The following PTPRO variants were observed in gnomAD, a reference collection of about 807,000 sequenced individuals.
The protein encoded by PTPRO is receptor-type tyrosine-protein phosphatase O.
PTPRO carries 62 observed loss-of-function variants against 145.2 expected under a neutral mutation model. The ratio of observed to expected loss-of-function variants is 0.43; its 90% CI spans 0.35 to 0.53. The LOEUF (loss-of-function observed/expected upper bound fraction) is 0.53. Ranked by LOEUF, PTPRO falls within the 20% of genes least tolerant of loss-of-function variation. The pLI, the probability that PTPRO is intolerant of heterozygous loss-of-function variation, is 0.01. For missense variants in PTPRO, 1,345 were observed against 1,482.7 expected (o/e 0.91, Z 1.53); for synonymous variants, 565 against 514.7 (o/e 1.10, Z -1.32).
At chr12:15,587,837 AGCATT>A (rs1484875822) in intron 24 of PTPRO, among the ~76,000 whole-genome samples, 1 of 152,236 alleles carries the variant, frequency 6.6e-6, no homozygotes, top group African/African-American at 2.4e-5. Flanking sequence ...TGTGAAGGGA[AGCATT>A]GGCAGCCATG....
intron 23 of PTPRO, 108 bp from the exon 24 acceptor site, chr12:15,586,789 G>A: frequency 1.6e-6 from 2 of 1,231,178 alleles, no homozygotes; most frequent in Non-Finnish European, 2.4e-6. Flanking sequence ...GTACTGACCA[G>A]GAGTGGAACG....
intron 2 of PTPRO, among the ~76,000 whole-genome samples, chr12:15,487,240 T>A (rs1941907690): frequency 6.6e-6 from 1 of 152,122 alleles, no homozygotes; most frequent in Non-Finnish European, 1.5e-5. Flanking sequence ...CCCCTCAAAC[T>A]ACACCGACAC....
chr12:15,508,803 C>T (rs1942375750), intron 7 of PTPRO, 36 bp downstream of exon 7: 2 of 1,600,230 alleles, frequency 1.2e-6, no homozygotes, highest in Non-Finnish European at 1.7e-6. Context: ...CTCGCCGGTC[C>T]TTCCTAAGCA....
chr12:15,412,366 G>A (rs370504794), intron 1 of PTPRO, among the ~76,000 whole-genome samples: 1 of 152,204 alleles, frequency 6.6e-6, no homozygotes, highest in Non-Finnish European at 1.5e-5. Context: ...CCCTTAAAAT[G>A]CTGTAAAATA....
intron 1 of PTPRO, among the ~76,000 whole-genome samples, chr12:15,455,531 A>G (rs187777853): frequency 3.5e-4 from 54 of 152,232 alleles, no homozygotes; most frequent in Middle Eastern, 3.4e-3. Flanking sequence ...TCTTTCATTA[A>G]TGTTTTGTGG....
At chr12:15,463,562 G>A (rs917739449) in intron 1 of PTPRO, among the ~76,000 whole-genome samples, 5 of 152,076 alleles carry the variant, frequency 3.3e-5, no homozygotes, top group Non-Finnish European at 5.9e-5. Flanking sequence ...AATTATACAG[G>A]TAGGAGTTAT....
chr12:15,408,639 G>A (rs561269566), intron 1 of PTPRO, among the ~76,000 whole-genome samples: 1 of 152,220 alleles, frequency 6.6e-6, no homozygotes, highest in Non-Finnish European at 1.5e-5. Context: ...TGTTGGCCAG[G>A]CTGGTCTTGA....
At chr12:15,350,236 C>T (rs1433837891) in intron 1 of PTPRO, among the ~76,000 whole-genome samples, 1 of 152,180 alleles carries the variant, frequency 6.6e-6, no homozygotes, top group Admixed American at 6.5e-5. Flanking sequence ...CTAACACCAA[C>T]GCTGACTACC....
At chr12:15,578,289 A>T (rs896884005) in intron 19 of PTPRO, among the ~76,000 whole-genome samples, 13 of 152,180 alleles carry the variant, frequency 8.5e-5, no homozygotes, top group Non-Finnish European at 2.9e-5. Context: ...AAGTTACTCT[A>T]TTCCTCCAAA....
chr12:15,527,371 T>G (rs1942862668), intron 12 of PTPRO, among the ~76,000 whole-genome samples: 1 of 152,202 alleles, frequency 6.6e-6, no homozygotes, highest in East Asian at 1.9e-4. Flanking sequence ...CCCACTATCT[T>G]GGGCTCCCTG....
intron 23 of PTPRO, among the ~76,000 whole-genome samples, chr12:15,583,308 C>T (rs891477655): frequency 6.6e-6 from 1 of 151,904 alleles, no homozygotes; most frequent in Non-Finnish European, 1.5e-5. Flanking sequence ...CAGGGAGATC[C>T]CATCTGACTA....
intron 11 of PTPRO, 122 bp downstream of exon 11, chr12:15,525,087 C>T (rs1942810018): frequency 1.6e-6 from 2 of 1,222,196 alleles, no homozygotes; most frequent in Admixed American, 3.7e-5. Flanking sequence ...CTGTTTTAGG[C>T]TCTGGAGATA....
intron 1 of PTPRO, among the ~76,000 whole-genome samples, chr12:15,368,680 T>C (rs1441771986): frequency 6.6e-6 from 1 of 152,228 alleles, no homozygotes; most frequent in Non-Finnish European, 1.5e-5. Context: ...ATCCTCTAGA[T>C]AAATTTCTCC....
At chr12:15,536,551 G>A (rs1051152860) in intron 12 of PTPRO, among the ~76,000 whole-genome samples, 4 of 152,168 alleles carry the variant, frequency 2.6e-5, no homozygotes, top group African/African-American at 9.7e-5. Flanking sequence ...GACCGTGTAG[G>A]GTCATTGAAA....
chr12:15,549,136 C>A lies in PTPRO; in HGVS notation c.2347C>A (p.Leu783Ile). 6.2e-7 allele frequency: 1 copy of A among 1,613,440 alleles called. No homozygotes were observed. Among genetic ancestry groups the A allele is most frequent in the East Asian group, 2.2e-5 (1 of 44,864 alleles). Residue 783 changes from leucine to isoleucine, a missense_variant, in exon 14 of 27, where the codon CTT becomes ATT. Leu to Ile is a conservative substitution (Grantham distance 5). Transcript: ENST00000281171. ...TTCCCATGTCGTGACCATCTCCAGC[C>A]TTCTTCCTGCCACTGCCTACAATTG... is the stretch of plus-strand genomic sequence containing the variant. ...VSSHVVTISS[L>I]LPATAYNCSV...
intron 1 of PTPRO, among the ~76,000 whole-genome samples, chr12:15,473,249 C>T (rs1040580679): frequency 3.3e-5 from 5 of 152,158 alleles, no homozygotes; most frequent in African/African-American, 1.2e-4. Flanking sequence ...GTTTGCCTCT[C>T]ACTACAGAGT....
intron 1 of PTPRO, among the ~76,000 whole-genome samples, chr12:15,342,885 C>T (rs1194439923): frequency 6.6e-6 from 1 of 152,144 alleles, no homozygotes; most frequent in Non-Finnish European, 1.5e-5. Flanking sequence ...TCTGGAATTT[C>T]AGTGTCACCA....
At chr12:15,565,330 T>C in intron 17 of PTPRO, 1 of 313,040 alleles carries the variant, frequency 3.2e-6, no homozygotes. Flanking sequence ...GTTAGAAATT[T>C]CATTTCTAGA....
chr12:15,526,780 A>G (rs1388987339), intron 12 of PTPRO, among the ~76,000 whole-genome samples: 2 of 152,142 alleles, frequency 1.3e-5, no homozygotes, highest in Non-Finnish European at 1.5e-5. Flanking sequence ...TCTAAAAGAC[A>G]TAATGAAATT....
Sources: gnomAD v4.1 joint callset for allele counts (sites outside exome capture counted in the v4.1 genomes callset) on GRCh38, gnomAD v4.1.1 for gene constraint, MANE v1.5 for transcripts, NCBI Gene and HGNC (gene_info 2026-07-23, HGNC 2026-07-21) for gene names.